ROBO2: variants seen among roughly 807,000 people sequenced by gnomAD.
ROBO2 encodes roundabout homolog 2.
In ROBO2, 53 loss-of-function variants were observed where a neutral mutation model predicts 160.8. The ratio of observed to expected loss-of-function variants is 0.33; its 90% confidence interval spans 0.26 to 0.41. The LOEUF is 0.41. Among genes scored for constraint, ROBO2 ranks in the 10% least tolerant of loss-of-function variants. The pLI, the probability that ROBO2 is intolerant of heterozygous loss-of-function variation, is 1.00. For missense variants in ROBO2, 1,577 were observed against 1,722.4 expected, an observed-to-expected ratio of 0.92 and a Z score of 1.49; for synonymous variants, 664 against 611.7, an observed-to-expected ratio of 1.09 and a Z score of -1.26.
intron 2 of ROBO2, among the ~76,000 whole-genome samples, chr3:77,214,683 T>G: frequency 6.6e-6 from 1 of 152,236 alleles, no homozygotes; most frequent in East Asian, 1.9e-4. Flanking sequence ...CTCAATGGTC[T>G]TTACAATTTG....
intron 2 of ROBO2, among the ~76,000 whole-genome samples, chr3:77,010,780 CT>C (rs74373838): frequency 0.11 from 17,427 of 151,792 alleles, 1,669 homozygotes; most frequent in African/African-American, 0.26. Flanking sequence ...ACTTCATGTT[CT>C]TCATATTCCT....
chr3:76,364,102 C>A (rs192992306), intron 2 of ROBO2, among the ~76,000 whole-genome samples: 1 of 152,208 alleles, frequency 6.6e-6, no homozygotes, highest in East Asian at 1.9e-4. Context: ...ATTATATGTT[C>A]CAGCTATGCC....
intron 6 of ROBO2, among the ~76,000 whole-genome samples, chr3:77,539,760 A>G (rs2092368976): frequency 6.6e-6 from 1 of 152,204 alleles, no homozygotes; most frequent in Non-Finnish European, 1.5e-5. Context: ...GAACTAAGGA[A>G]GTCAGACATA....
chr3:77,074,346 T>C (rs1009864407), intron 1 of ROBO2, among the ~76,000 whole-genome samples: 1 of 152,206 alleles, frequency 6.6e-6, no homozygotes, highest in Non-Finnish European at 1.5e-5. Context: ...CTGCCTGTGC[T>C]ATAACTCTAG....
chr3:76,743,814 T>C (rs1258527719), intron 2 of ROBO2, among the ~76,000 whole-genome samples: 2 of 151,720 alleles, frequency 1.3e-5, no homozygotes, highest in African/African-American at 2.4e-5. Flanking sequence ...TTAATTAAAA[T>C]GAGGGAGAGG....
intron 2 of ROBO2, among the ~76,000 whole-genome samples, chr3:77,261,109 G>T (rs534759698): frequency 1.3e-5 from 2 of 152,148 alleles, no homozygotes; most frequent in Admixed American, 6.6e-5. Flanking sequence ...TGAAGATAGC[G>T]TATGGGAAAG....
At chr3:77,602,672 C>T (rs980623366) in intron 20 of ROBO2, among the ~76,000 whole-genome samples, 181 bp downstream of exon 21, 16 of 146,360 alleles carry the variant, frequency 1.1e-4, no homozygotes, top group Admixed American at 7.6e-4. Context: ...CCACCACCAC[C>T]ACCACCACCA....
intron 21 of ROBO2, 49 bp from the exon 23 acceptor site, chr3:77,617,464 G>T: frequency 3.1e-6 from 5 of 1,604,720 alleles, no homozygotes; most frequent in Non-Finnish European, 4.3e-6. Flanking sequence ...GTGCATGTAT[G>T]TGTATATGTA....
chr3:76,885,851 T>C (rs2148781068), intron 2 of ROBO2, among the ~76,000 whole-genome samples: 1 of 152,272 alleles, frequency 6.6e-6, no homozygotes, highest in South Asian at 2.1e-4. Flanking sequence ...TCCTTCATGT[T>C]TTCCTCTTGT....
intron 2 of ROBO2, among the ~76,000 whole-genome samples, chr3:77,261,635 G>C (rs576724166): frequency 6.6e-6 from 1 of 152,238 alleles, no homozygotes; most frequent in East Asian, 1.9e-4. Context: ...GCTCACAGCT[G>C]CATGCATGTG....
intron 2 of ROBO2, among the ~76,000 whole-genome samples, chr3:75,986,529 G>T: frequency 6.6e-6 from 1 of 150,636 alleles, no homozygotes; most frequent in East Asian, 2.0e-4. Context: ...TTTTTTGGCA[G>T]TTTTTTAAAA....
intron 1 of ROBO2, among the ~76,000 whole-genome samples, chr3:77,062,772 A>T (rs2149780958): frequency 6.6e-6 from 1 of 152,310 alleles, no homozygotes; most frequent in South Asian, 2.1e-4. Context: ...GAAGCAAGAC[A>T]CACAAAAAAA....
At chr3:76,826,088 A>G (rs2066568339) in intron 2 of ROBO2, among the ~76,000 whole-genome samples, 1 of 149,938 alleles carries the variant, frequency 6.7e-6, no homozygotes, top group Non-Finnish European at 1.5e-5. Flanking sequence ...ATAGTGTCAC[A>G]TTTTGAATTA....
chr3:75,985,139 T>C (rs1046119374), intron 2 of ROBO2, among the ~76,000 whole-genome samples: 4 of 151,652 alleles, frequency 2.6e-5, no homozygotes, highest in African/African-American at 9.6e-5. Flanking sequence ...CCCATCCTTA[T>C]GCATTGTATC....
At chr3:77,297,457 C>CTT (rs1308887966) in intron 2 of ROBO2, among the ~76,000 whole-genome samples, 7 of 152,040 alleles carry the variant, frequency 4.6e-5, no homozygotes, top group Non-Finnish European at 8.8e-5. Flanking sequence ...GAGGTATTTG[C>CTT]TTAAGTGCAC....
At position 77,448,842 on chromosome 3, in the gene ROBO2, A is replaced by AT. The variant is rs35782309; in HGVS notation, c.389-28571dup. On this transcript the variant is annotated intron_variant, in intron 2 of 25. Coordinates refer to ENST00000461745, the Ensembl canonical transcript of ROBO2. ...TAAGCTTTTCCTCAAAAAATCACAT[A>AT]TAAGAGCCAAGTTAAAAACATTTAT... Among the ~76,000 whole-genome samples the AT allele has an allele frequency of 3.9e-3, 588 of 152,114 alleles. 2 individuals carry two copies. The highest frequency in any genetic ancestry group is 0.02 in the Middle Eastern group (6 of 294).
At chr3:77,624,746 C>T (rs1458802316) in intron 23 of ROBO2, among the ~76,000 whole-genome samples, 1 of 152,078 alleles carries the variant, frequency 6.6e-6, no homozygotes, top group Non-Finnish European at 1.5e-5. Context: ...TAGTCATTAC[C>T]TCCCCCTGAA....
chr3:76,520,899 G>T (rs576421150), intron 2 of ROBO2, among the ~76,000 whole-genome samples: 8 of 152,166 alleles, frequency 5.3e-5, no homozygotes, highest in Non-Finnish European at 1.2e-4. Context: ...GGACTGTACG[G>T]TCTCTTAGAT....
At chr3:75,937,524 A>G in exon 2 of ROBO2, 3 of 1,578,168 alleles carry the variant, frequency 1.9e-6, no homozygotes, top group South Asian at 2.3e-5. Flanking sequence ...TGTCACTAGA[A>G]GGATGTGGAC....
Sources: gnomAD v4.1 joint callset for allele counts (sites outside exome capture counted in the v4.1 genomes callset) on GRCh38, gnomAD v4.1.1 for gene constraint, MANE v1.5 for transcripts, NCBI Gene and HGNC (gene_info 2026-07-23, HGNC 2026-07-21) for gene names.